ZNF804B: variants seen among roughly 807,000 people sequenced by gnomAD.
The protein encoded by ZNF804B is zinc finger protein 804B.
Under a neutral mutation model 101.4 loss-of-function variants are expected in ZNF804B, and 80 were observed. That is an observed-to-expected ratio of 0.79 (90% CI 0.66 to 0.95). The LOEUF (loss-of-function observed/expected upper bound fraction) is 0.95. ZNF804B is among the 40% of genes least tolerant of loss of function. The probability of loss-of-function intolerance (pLI) is 0.00; values close to 1 mark genes in which losing one functional copy is unlikely to be tolerated. For synonymous variants in ZNF804B, 622 were observed against 558.8 expected, an observed-to-expected ratio of 1.11 and a Z score of -1.59; for missense variants, 1,673 against 1,561.9, an observed-to-expected ratio of 1.07 and a Z score of -1.20.
intron 1 of ZNF804B, among the ~76,000 whole-genome samples, chr7:89,148,669 C>T (rs952839771): frequency 6.6e-6 from 1 of 151,958 alleles, no homozygotes; most frequent in Non-Finnish European, 1.5e-5. Flanking sequence ...CCCAGGAAAA[C>T]TTCTGCTATT....
At chr7:89,134,124 C>G (rs1165809257) in intron 1 of ZNF804B, among the ~76,000 whole-genome samples, 15 of 151,918 alleles carry the variant, frequency 9.9e-5, no homozygotes, top group Non-Finnish European at 1.5e-5. Context: ...AACAAATAAG[C>G]AAACAAAAAA....
At chr7:89,312,417 A>T (rs1240491698) in intron 2 of ZNF804B, among the ~76,000 whole-genome samples, 11 of 152,198 alleles carry the variant, frequency 7.2e-5, no homozygotes. Context: ...TCCTCCAGGA[A>T]TTATCATAAC....
chr7:89,136,773 G>A (rs946779851), intron 1 of ZNF804B, among the ~76,000 whole-genome samples: 7 of 150,138 alleles, frequency 4.7e-5, no homozygotes, highest in South Asian at 2.1e-4. Flanking sequence ...GTGCGCGCAC[G>A]TGTGTGATGA....
At chr7:89,075,240 T>C (rs1789597945) in intron 1 of ZNF804B, among the ~76,000 whole-genome samples, 2 of 152,178 alleles carry the variant, frequency 1.3e-5, no homozygotes, top group Non-Finnish European at 2.9e-5. Context: ...AAAATGTCTC[T>C]AGGGCATGTC....
Position 89,334,495 on chromosome 7 carries a change from C to G in ZNF804B, c.1513C>G (p.Pro505Ala), listed in dbSNP as rs747175162. The G allele has an allele frequency of 1.2e-6, 2 of 1,613,632 alleles. No homozygotes were observed. The highest frequency in any genetic ancestry group is 1.1e-5 in the South Asian group (1 of 91,080). Residue 505 changes from proline (P) to alanine (A), a missense_variant, in exon 4 of 4, where the codon CCC (proline) becomes GCC (alanine). Pro to Ala is a conservative substitution (Grantham distance 27). Transcript: ENST00000333190. ...CTTAAAAACAGAATTGGGTAAGAAG[C>G]CCTTGGAATTGAAGACTAAAAGAGA... is the stretch of plus-strand genomic sequence containing the variant. ...EDLKTELGKK[P>A]LELKTKRESQ...
At chr7:89,322,451 A>C (rs1790835239) in intron 2 of ZNF804B, among the ~76,000 whole-genome samples, 1 of 152,166 alleles carries the variant, frequency 6.6e-6, no homozygotes, top group African/African-American at 2.4e-5. Context: ...AAATGTGTGA[A>C]TATTTAGATG....
At chr7:89,125,993 G>C (rs555895559) in intron 1 of ZNF804B, among the ~76,000 whole-genome samples, 2 of 151,996 alleles carry the variant, frequency 1.3e-5, no homozygotes, top group African/African-American at 4.8e-5. Context: ...CTGATGATCA[G>C]ATATATTACA....
intron 1 of ZNF804B, among the ~76,000 whole-genome samples, chr7:88,869,319 C>A (rs912629728): frequency 1.2e-4 from 18 of 152,058 alleles, no homozygotes; most frequent in African/African-American, 3.6e-4. Flanking sequence ...CCAGGTATAC[C>A]TACCTTGGGG....
At chr7:89,229,254 G>T (rs984340584) in intron 2 of ZNF804B, among the ~76,000 whole-genome samples, 1 of 152,206 alleles carries the variant, frequency 6.6e-6, no homozygotes, top group African/African-American at 2.4e-5. Flanking sequence ...GAGAGTGAGC[G>T]AGGGCTGTGA....
intron 1 of ZNF804B, among the ~76,000 whole-genome samples, chr7:89,210,041 C>T (rs1024896212): frequency 7.9e-5 from 12 of 151,566 alleles, no homozygotes; most frequent in South Asian, 2.1e-4. Context: ...CCCAGCTACT[C>T]AGGAGGCTGA....
intron 1 of ZNF804B, among the ~76,000 whole-genome samples, chr7:88,889,356 A>G (rs1792181291): frequency 1.3e-5 from 2 of 152,054 alleles, no homozygotes; most frequent in South Asian, 4.1e-4. Context: ...GAGTTACTTG[A>G]GAGATCTCCA....
chr7:89,079,706 G>A (rs900836365), intron 1 of ZNF804B, among the ~76,000 whole-genome samples: 5 of 151,950 alleles, frequency 3.3e-5, no homozygotes, highest in African/African-American at 7.2e-5. Context: ...TAATATAGGA[G>A]GACTAATATT....
chr7:89,133,164 T>C (rs1020079254), intron 1 of ZNF804B, among the ~76,000 whole-genome samples: 1 of 151,910 alleles, frequency 6.6e-6, no homozygotes, highest in Non-Finnish European at 1.5e-5. Context: ...CTGGAGGCTG[T>C]TGGAATACTC....
At chr7:88,832,392 A>G (rs1791146560) in intron 1 of ZNF804B, among the ~76,000 whole-genome samples, 1 of 151,978 alleles carries the variant, frequency 6.6e-6, no homozygotes, top group South Asian at 2.1e-4. Context: ...CACCCAAGCT[A>G]ATTTCAGTGT....
chr7:88,792,296 G>A (rs1191347246), intron 1 of ZNF804B, among the ~76,000 whole-genome samples: 1 of 152,012 alleles, frequency 6.6e-6, no homozygotes, highest in Non-Finnish European at 1.5e-5. Context: ...ATATATTGCA[G>A]TAACCATTTC....
chr7:89,272,435 C>T (rs906919665), intron 2 of ZNF804B, among the ~76,000 whole-genome samples: 3 of 151,978 alleles, frequency 2.0e-5, no homozygotes, highest in Admixed American at 6.6e-5. Context: ...ATTAGCCTAA[C>T]GTAGTGAACT....
intron 1 of ZNF804B, among the ~76,000 whole-genome samples, chr7:88,970,989 G>T (rs879336519): frequency 2.3e-5 from 3 of 131,672 alleles, no homozygotes; most frequent in Non-Finnish European, 4.8e-5. Context: ...TTTAAAAAAA[G>T]AACAAAAAAA....
At chr7:89,212,251 A>C (rs1313495692) in intron 1 of ZNF804B, among the ~76,000 whole-genome samples, 1 of 104,684 alleles carries the variant, frequency 9.6e-6, no homozygotes, top group East Asian at 2.2e-4. Context: ...GCATTCAGTG[A>C]TACACACACA....
intron 1 of ZNF804B, among the ~76,000 whole-genome samples, chr7:88,842,814 G>T (rs529430734): frequency 1.6e-4 from 25 of 152,048 alleles, no homozygotes; most frequent in Non-Finnish European, 3.2e-4. Flanking sequence ...AACTCACCTG[G>T]TACCCTCTTA....
Sources: allele counts gnomAD v4.1 joint callset (sites outside exome capture counted in the v4.1 genomes callset), GRCh38; gene constraint gnomAD v4.1.1; transcripts MANE v1.5; gene names NCBI Gene and HGNC (gene_info 2026-07-23, HGNC 2026-07-21).